Variants in AFF1 observed in about 807,000 individuals in gnomAD.
AFF1 encodes AF4/FMR2 family member 1.
Under a neutral mutation model 121.7 loss-of-function variants are expected in AFF1, and 48 were observed. The ratio of observed to expected loss-of-function variants is 0.39; its 90% CI spans 0.31 to 0.50. AFF1 has a LOEUF of 0.50. Among genes scored for constraint, AFF1 ranks in the 20% least tolerant of loss-of-function variants. The pLI is 0.76. For synonymous variants in AFF1, 613 were observed against 563.0 expected (o/e 1.09, Z -1.26); for missense variants, 1,523 against 1,511.7 (o/e 1.01, Z -0.12).
intron 2 of AFF1, among the ~76,000 whole-genome samples, chr4:87,035,516 G>T (rs1219979041): frequency 6.6e-6 from 1 of 151,756 alleles, no homozygotes; most frequent in Non-Finnish European, 1.5e-5. Flanking sequence ...AGCGGAGATC[G>T]CGCCACTGCA....
chr4:87,013,259 C>G (rs1003427383), intron 2 of AFF1, among the ~76,000 whole-genome samples: 1 of 151,830 alleles, frequency 6.6e-6, no homozygotes, highest in African/African-American at 2.4e-5. Context: ...AGGATGGTCT[C>G]GAACTCCAGA....
intron 2 of AFF1, among the ~76,000 whole-genome samples, chr4:86,985,058 C>A (rs1242675760): frequency 6.7e-6 from 1 of 149,940 alleles, no homozygotes; most frequent in Non-Finnish European, 1.5e-5. Context: ...GTTTAAAACA[C>A]TGTAATCCTA....
chr4:87,002,752 G>A (rs1725825568), intron 2 of AFF1, among the ~76,000 whole-genome samples: 1 of 152,130 alleles, frequency 6.6e-6, no homozygotes, highest in South Asian at 2.1e-4. Context: ...TATTTGTAGG[G>A]TAAATTGGGT....
In AFF1 at chr4:86,945,127, A is replaced by G. The variant is rs565697008; in HGVS notation, c.-36-3371A>G. On this transcript the variant is annotated intron_variant, in intron 1 of 20. Transcript: ENST00000395146. ...GTGTGCTAGGTATTTTAGCTAGGTGATATAATATATGCTTCTCAGTTACTC... is the reference window on the plus strand; with the variant it reads ...GTGTGCTAGGTATTTTAGCTAGGTGGTATAATATATGCTTCTCAGTTACTC... 1.2e-4 allele frequency among the ~76,000 whole-genome samples: 18 copies of G among 152,248 alleles called. No homozygotes were observed. In the South Asian group the frequency reaches 3.7e-3, roughly 32 times the overall value.
At chr4:86,961,588 G>T (rs749851409) in intron 2 of AFF1, among the ~76,000 whole-genome samples, 10 of 151,892 alleles carry the variant, frequency 6.6e-5, no homozygotes, top group African/African-American at 1.2e-4. Context: ...GTGTGGGAAG[G>T]GGGGGCTGAG....
At chr4:86,939,518 CAG>C (rs1560488450) in intron 1 of AFF1, among the ~76,000 whole-genome samples, 1 of 152,202 alleles carries the variant, frequency 6.6e-6, no homozygotes, top group Non-Finnish European at 1.5e-5. Flanking sequence ...ACCTATTTAA[CAG>C]ACACGTGGTG....
chr4:87,028,812 A>G (rs1728787003), intron 2 of AFF1, among the ~76,000 whole-genome samples: 1 of 152,238 alleles, frequency 6.6e-6, no homozygotes, highest in African/African-American at 2.4e-5. Context: ...CCACTCTAGG[A>G]GTGCATTTAT....
Position 87,115,959 on chromosome 4 carries a change from C to A in AFF1, c.2466+660C>A, listed in dbSNP as rs113899410. ...TGTAACTGGCATTTACCACCTGACC[C>A]ATTAGGTTTTGCCTTAGTAGTTGAG... On this transcript the variant is annotated intron_variant, in intron 12 of 20. Coordinates refer to ENST00000395146, the MANE Select transcript of AFF1 (RefSeq NM_001166693.3). Among the ~76,000 whole-genome samples, 722 of 152,170 alleles carry A rather than the reference C, an allele frequency of 4.7e-3. 8 individuals are homozygous for A. The highest frequency in any genetic ancestry group is 0.016 in the African/African-American group (673 of 41,510).
intron 19 of AFF1, 87 bp downstream of exon 19, chr4:87,132,495 A>C (rs535188594): frequency 1.5e-6 from 2 of 1,374,224 alleles, no homozygotes; most frequent in African/African-American, 3.0e-5. Context: ...GTATGCTTAC[A>C]TATGTCACTT....
chr4:86,987,928 G>T (rs1004391827), intron 2 of AFF1, among the ~76,000 whole-genome samples: 1 of 124,480 alleles, frequency 8.0e-6, no homozygotes, highest in Non-Finnish European at 1.7e-5. Context: ...ACTTCAGCTT[G>T]GGGGACAGAG....
At position 87,090,055 on chromosome 4, in the gene AFF1, T is replaced by G; in HGVS notation, c.1176T>G (p.Phe392Leu). 6.2e-7 allele frequency: 1 copy of G among 1,613,798 alleles called. No individual in the cohort carries two copies. The highest frequency in any genetic ancestry group is 1.1e-5 in the South Asian group (1 of 91,066). ...HTPSTAEPSK[F>L]PFPTKDSQHV... ...CTAGTACAGCTGAGCCATCCAAGTT[T>G]CCTTTCCCTACAAAGGTAATTCCTT... Residue 392 changes from phenylalanine (F) to leucine (L), a missense_variant, in exon 6 of 21, where the codon TTT becomes TTG. Around this residue, in one of 5 missense-constraint regions of AFF1, gnomAD observed 905 missense variants for 842.5 expected, o/e 1.07. Transcript: ENST00000395146.
chr4:87,091,700 A>T (rs1205008442), intron 6 of AFF1, 93 bp from the exon 7 acceptor site: 2 of 831,612 alleles, frequency 2.4e-6, no homozygotes, highest in African/African-American at 3.6e-5. Flanking sequence ...GTTTCATAAG[A>T]CTATCCTTTT....
At chr4:87,082,949 A>G (rs1055707292) in intron 4 of AFF1, among the ~76,000 whole-genome samples, 3 of 152,210 alleles carry the variant, frequency 2.0e-5, no homozygotes, top group Non-Finnish European at 4.4e-5. Flanking sequence ...GCTGCGAGGT[A>G]GGTATTAAAT....
At chr4:87,106,154 G>A (rs974405140) in intron 10 of AFF1, among the ~76,000 whole-genome samples, 2 of 152,150 alleles carry the variant, frequency 1.3e-5, no homozygotes, top group African/African-American at 4.8e-5. Context: ...AGGCTGAGGT[G>A]GGCAGATCAC....
chr4:87,133,640 A>G (rs1452092950), intron 19 of AFF1, among the ~76,000 whole-genome samples: 1 of 152,232 alleles, frequency 6.6e-6, no homozygotes, highest in Non-Finnish European at 1.5e-5. Context: ...GATACAGCAG[A>G]CAAGAACCAC....
chr4:87,054,597 C>G (rs2149634832), intron 4 of AFF1, among the ~76,000 whole-genome samples: 2 of 152,298 alleles, frequency 1.3e-5, no homozygotes, highest in Middle Eastern at 6.8e-3. Flanking sequence ...ACCTACATGA[C>G]CTAAATGTGT....
intron 2 of AFF1, among the ~76,000 whole-genome samples, chr4:86,975,989 TATA>T (rs1723276105): frequency 6.6e-6 from 1 of 152,294 alleles, no homozygotes; most frequent in African/African-American, 2.4e-5. Context: ...TACGGTATCA[TATA>T]ATAATTATTA....
chr4:87,104,828 A>G (rs1257041149), intron 8 of AFF1, among the ~76,000 whole-genome samples: 2 of 152,150 alleles, frequency 1.3e-5, no homozygotes, highest in African/African-American at 4.8e-5. Context: ...ATAAGCCAGA[A>G]TGCCTACAGA....
intron 12 of AFF1, among the ~76,000 whole-genome samples, chr4:87,123,011 A>C (rs934284547): frequency 6.6e-6 from 1 of 151,724 alleles, no homozygotes. Context: ...TCTTGGCCTC[A>C]GCTTCCTGAG....
Sources: gnomAD v4.1 joint callset for allele counts (sites outside exome capture counted in the v4.1 genomes callset) on GRCh38, gnomAD v4.1.1 for gene constraint, gnomAD v4.1.1 regional missense constraint, MANE v1.5 for transcripts, NCBI Gene and HGNC (gene_info 2026-07-23, HGNC 2026-07-21) for gene names.